BBS9: variants seen among roughly 807,000 people sequenced by gnomAD.
BBS9 encodes Bardet-Biedl syndrome 9.
In BBS9, 89 loss-of-function variants were observed where a neutral mutation model predicts 117.7. That is an observed-to-expected ratio of 0.76 (90% CI 0.64 to 0.90). The LOEUF (loss-of-function observed/expected upper bound fraction) is 0.90. BBS9 is among the 40% of genes least tolerant of loss of function. The probability of loss-of-function intolerance (pLI) is 0.00; values close to 1 mark genes in which losing one functional copy is unlikely to be tolerated. For synonymous variants in BBS9, 379 were observed against 370.9 expected, an observed-to-expected ratio of 1.02 and a Z score of -0.25; for missense variants, 982 against 1,042.2, an observed-to-expected ratio of 0.94 and a Z score of 0.80.
chr7:33,469,265 C>G (rs912873641), intron 19 of BBS9, among the ~76,000 whole-genome samples: 3 of 152,144 alleles, frequency 2.0e-5, no homozygotes, highest in African/African-American at 7.2e-5. Context: ...TTGTCCATGT[C>G]TGGGATGCCA....
At chr7:33,440,980 G>T (rs868155361) in intron 19 of BBS9, among the ~76,000 whole-genome samples, 9 of 152,128 alleles carry the variant, frequency 5.9e-5, no homozygotes, top group South Asian at 2.1e-4. Flanking sequence ...GTGGGGTATT[G>T]GTTATACAGG....
chr7:33,323,500 G>A (rs551637584), intron 9 of BBS9, among the ~76,000 whole-genome samples: 31 of 151,506 alleles, frequency 2.0e-4, no homozygotes, highest in Admixed American at 5.9e-4. Context: ...GACTTCCTTC[G>A]TCTCTTTTTA....
chr7:33,527,532 T>C (rs1275908220), intron 20 of BBS9, among the ~76,000 whole-genome samples: 2 of 152,160 alleles, frequency 1.3e-5, no homozygotes, highest in African/African-American at 2.4e-5. Flanking sequence ...CGTCACCCCT[T>C]TCTTTGACTC....
intron 19 of BBS9, among the ~76,000 whole-genome samples, chr7:33,434,130 A>G (rs550418138): frequency 9.2e-5 from 14 of 152,050 alleles, no homozygotes; most frequent in Non-Finnish European, 1.8e-4. Context: ...ATCTTCATTT[A>G]TAAATCTTTG....
chr7:33,167,691 G>A (rs569359170), intron 4 of BBS9, among the ~76,000 whole-genome samples: 5 of 152,156 alleles, frequency 3.3e-5, no homozygotes, highest in South Asian at 2.1e-4. Context: ...GAGCCACCAC[G>A]ATCAGCCTTA....
chr7:33,171,203 A>G (rs1002209252), intron 4 of BBS9, among the ~76,000 whole-genome samples: 2 of 152,150 alleles, frequency 1.3e-5, no homozygotes, highest in African/African-American at 4.8e-5. Context: ...ACTTCAAACT[A>G]TACTACAAGG....
At chr7:33,462,656 GT>G (rs1839633897) in intron 19 of BBS9, among the ~76,000 whole-genome samples, 1 of 152,000 alleles carries the variant, frequency 6.6e-6, no homozygotes, top group African/African-American at 2.4e-5. Flanking sequence ...GTTAAATGAA[GT>G]TTAAAAAAAT....
At chr7:33,529,686 G>T (rs1850265923) in intron 20 of BBS9, among the ~76,000 whole-genome samples, 1 of 151,636 alleles carries the variant, frequency 6.6e-6, no homozygotes, top group Admixed American at 6.6e-5. Context: ...CCATACACAG[G>T]TCAACCTGGA....
Position 33,357,838 on chromosome 7 carries a change from T to G in BBS9, c.1553-17T>G. On this transcript the variant is annotated splice_polypyrimidine_tract_variant and intron_variant, in intron 15 of 22. Coordinates refer to ENST00000242067, the MANE Select transcript of BBS9 (RefSeq NM_198428.3). Reference sequence around the variant, plus strand: ...TTTGTCAAGTCTATGAATCTACATATCTCTCTTTTATTTTAGGCATTCCGC... The same window carrying G: ...TTTGTCAAGTCTATGAATCTACATAGCTCTCTTTTATTTTAGGCATTCCGC... The G allele has an allele frequency of 6.2e-7, 1 of 1,607,956 alleles. No individual in the cohort carries two copies. The highest frequency in any genetic ancestry group is 8.5e-7 in the Non-Finnish European group (1 of 1,174,946).
At chr7:33,330,385 G>C (rs1394781182) in intron 9 of BBS9, among the ~76,000 whole-genome samples, 1 of 152,058 alleles carries the variant, frequency 6.6e-6, no homozygotes, top group African/African-American at 2.4e-5. Flanking sequence ...TTAAAATGTT[G>C]TATTTTATAT....
At chr7:33,580,149 T>C (rs1362247664) in intron 21 of BBS9, among the ~76,000 whole-genome samples, 2 of 151,898 alleles carry the variant, frequency 1.3e-5, no homozygotes, top group Admixed American at 1.3e-4. Flanking sequence ...TAGAGGCCTC[T>C]GCTGGTTAGG....
At chr7:33,334,097 G>A (rs554143731) in intron 9 of BBS9, among the ~76,000 whole-genome samples, 1 of 152,260 alleles carries the variant, frequency 6.6e-6, no homozygotes, top group African/African-American at 2.4e-5. Context: ...AGAAATATAT[G>A]TATTCTCTAT....
chr7:33,223,757 T>C (rs927717307), intron 5 of BBS9, among the ~76,000 whole-genome samples: 2 of 152,244 alleles, frequency 1.3e-5, no homozygotes, highest in African/African-American at 4.8e-5. Context: ...CTGTGCCTGA[T>C]AGAACTTGTG....
rs117830713 is a variant in BBS9 at position 33,358,568 on chromosome 7, G to A, written c.1693+573G>A. ...ACAGTGAACATTTGGGGTAATTTGT[G>A]ATGGTATGACTTGGAGAGAAGTGTC... On this transcript the variant is annotated intron_variant, in intron 16 of 22. Transcript: ENST00000242067. 2.3e-3 allele frequency among the ~76,000 whole-genome samples: 342 copies of A among 151,958 alleles called. 3 individuals are homozygous for A. The highest frequency in any genetic ancestry group is 3.7e-3 in the Non-Finnish European group (252 of 67,790).
intron 21 of BBS9, among the ~76,000 whole-genome samples, chr7:33,550,508 G>T (rs1854229881): frequency 6.6e-6 from 1 of 151,888 alleles, no homozygotes; most frequent in South Asian, 2.1e-4. Flanking sequence ...TTTTAATTCT[G>T]GCCAATATAA....
At chr7:33,572,091 C>G (rs1857896511) in intron 21 of BBS9, among the ~76,000 whole-genome samples, 1 of 151,988 alleles carries the variant, frequency 6.6e-6, no homozygotes, top group African/African-American at 2.4e-5. Context: ...TCCCCTGCTC[C>G]TCACTACCCT....
At chr7:33,301,178 G>A (rs577568060) in intron 9 of BBS9, among the ~76,000 whole-genome samples, 194 of 151,874 alleles carry the variant, frequency 1.3e-3, no homozygotes, top group African/African-American at 4.5e-3. Flanking sequence ...TTTTAATACA[G>A]GCATGGAATG....
chr7:33,406,461 A>G (rs1053836692), intron 19 of BBS9, among the ~76,000 whole-genome samples: 2 of 151,470 alleles, frequency 1.3e-5, no homozygotes, highest in Non-Finnish European at 2.9e-5. Context: ...TTATGTGTGA[A>G]TTTGATCCTG....
At chr7:33,164,938 A>G (rs1363744672) in intron 4 of BBS9, among the ~76,000 whole-genome samples, 2 of 151,964 alleles carry the variant, frequency 1.3e-5, no homozygotes, top group Admixed American at 6.6e-5. Flanking sequence ...GGTCTTTACA[A>G]TTTGGCGTGT....
Sources: allele counts gnomAD v4.1 joint callset (sites outside exome capture counted in the v4.1 genomes callset), GRCh38; gene constraint gnomAD v4.1.1; transcripts MANE v1.5; gene names NCBI Gene and HGNC (gene_info 2026-07-23, HGNC 2026-07-21).